The following SLC6A5 variants were observed in gnomAD, a reference collection of about 807,000 sequenced individuals.
SLC6A5 encodes solute carrier family 6 member 5.
Under a neutral mutation model 90.5 loss-of-function variants are expected in SLC6A5, and 58 were observed. The ratio of observed to expected loss-of-function variants is 0.64; its 90% CI spans 0.52 to 0.80. The LOEUF (loss-of-function observed/expected upper bound fraction) is 0.80, where lower values mean the gene tolerates loss of function less well. Among genes scored for constraint, SLC6A5 ranks in the 30% least tolerant of loss-of-function variants. The pLI is 0.00. For synonymous variants in SLC6A5, 427 were observed against 401.4 expected, an observed-to-expected ratio of 1.06 and a Z score of -0.76; for missense variants, 1,015 against 1,017.6, an observed-to-expected ratio of 1.00 and a Z score of 0.03.
chr11:20,617,579 C>A (rs1460663206), intron 6 of SLC6A5, among the ~76,000 whole-genome samples, 173 bp from the exon 7 acceptor site: 1 of 152,184 alleles, frequency 6.6e-6, no homozygotes, highest in Non-Finnish European at 1.5e-5. Context: ...AGAGCCCAGA[C>A]CAGCAAATTC....
At chr11:20,650,548 C>T (rs1321760598) in intron 14 of SLC6A5, among the ~76,000 whole-genome samples, 1 of 151,582 alleles carries the variant, frequency 6.6e-6, no homozygotes, top group Admixed American at 6.6e-5. Context: ...CATTTTATGG[C>T]AGGGAAGTCT....
At chr11:20,626,879 G>A (rs758091630) in intron 8 of SLC6A5, 37 bp downstream of exon 8, 5 of 1,598,674 alleles carry the variant, frequency 3.1e-6, no homozygotes, top group Non-Finnish European at 3.4e-6. Flanking sequence ...AGCCCTGGGG[G>A]AGTGGCCCTC....
intron 7 of SLC6A5, among the ~76,000 whole-genome samples, chr11:20,622,024 G>GT (rs199743225): frequency 0.024 from 3,686 of 152,292 alleles, 162 homozygotes; most frequent in African/African-American, 0.083. Flanking sequence ...CTGTTCAGGG[G>GT]TCCCATGGTG....
In SLC6A5 at chr11:20,604,279, C is replaced by T. The variant is rs1852533278; in HGVS notation, c.541-7C>T. On this transcript the variant is annotated splice_region_variant and splice_polypyrimidine_tract_variant and intron_variant, in intron 2 of 15. Transcript: ENST00000525748. Reference sequence around the variant, plus strand: ...CTGTTATCGACAATGTGCTTTTCCGCCCCCAGGAGGACGAGCAAGGGGATG... The same window carrying T: ...CTGTTATCGACAATGTGCTTTTCCGTCCCCAGGAGGACGAGCAAGGGGATG... 12 of 1,606,736 alleles carry T rather than the reference C, an allele frequency of 7.5e-6. No individual in the cohort carries two copies. The East Asian group carries it at 2.2e-4, about 30-fold the overall frequency.
At chr11:20,629,730 ATT>A (rs200051883) in intron 9 of SLC6A5, among the ~76,000 whole-genome samples, 70 of 137,714 alleles carry the variant, frequency 5.1e-4, no homozygotes, top group African/African-American at 1.4e-3. Context: ...CTGTAGGATG[ATT>A]TTTTTTTTTT....
chr11:20,645,522 G>A (rs1429974987), intron 13 of SLC6A5, among the ~76,000 whole-genome samples: 1 of 152,088 alleles, frequency 6.6e-6, no homozygotes, highest in African/African-American at 2.4e-5. Context: ...TAGAAAGAAG[G>A]CCTGAAAATG....
chr11:20,626,463 G>A (rs950848657), intron 7 of SLC6A5, among the ~76,000 whole-genome samples: 1 of 152,046 alleles, frequency 6.6e-6, no homozygotes, highest in Non-Finnish European at 1.5e-5. Context: ...CCAGCCTTCT[G>A]GCTGTAGGCC....
At chr11:20,640,451 A>G (rs977359843) in intron 13 of SLC6A5, among the ~76,000 whole-genome samples, 5 of 152,168 alleles carry the variant, frequency 3.3e-5, no homozygotes, top group Middle Eastern at 3.2e-3. Flanking sequence ...GAAAAAATAA[A>G]TCCTGAGTGC....
chr11:20,645,802 CT>C (rs1853402401), intron 13 of SLC6A5, among the ~76,000 whole-genome samples: 1 of 152,046 alleles, frequency 6.6e-6, no homozygotes, highest in African/African-American at 2.4e-5. Context: ...CGATGCCCAG[CT>C]TTTCTGTATT....
chr11:20,600,375 GAAGAA>G (rs1852440889), intron 1 of SLC6A5, among the ~76,000 whole-genome samples: 1 of 149,672 alleles, frequency 6.7e-6, no homozygotes, highest in African/African-American at 2.5e-5. Context: ...AGAAGAAGAA[GAAGAA>G]GAAGAAGAAG....
In SLC6A5 at chr11:20,655,340, CAG is replaced by C. The variant is rs1853623823; in HGVS notation, c.*477_*478del. 1 of 208,630 alleles carries C rather than the reference CAG, an allele frequency of 4.8e-6. No individual in the cohort carries two copies. Among genetic ancestry groups the C allele is most frequent in the Non-Finnish European group, 9.7e-6 (1 of 103,326 alleles). The allele number at this position is 208,630 out of a possible 1,614,324, so 12.9% of individuals were successfully genotyped here. A position where few individuals can be genotyped will look rare whatever the true frequency, so the allele number is the denominator to read the frequency against. On this transcript the variant is annotated 3_prime_UTR_variant, in exon 16 of 16. Transcript: ENST00000525748. Reference sequence around the variant, plus strand: ...GTTCAAGACAGGTTTTTTTTTTTTTCAGAGAGTTAGCAGTGGTCAGAAAATGT... The same window carrying C: ...GTTCAAGACAGGTTTTTTTTTTTTTCAGAGTTAGCAGTGGTCAGAAAATGT...
intron 13 of SLC6A5, 111 bp downstream of exon 13, chr11:20,638,669 CTA>C (rs1427850630): frequency 7.5e-5 from 57 of 763,694 alleles, no homozygotes; most frequent in African/African-American, 1.2e-4. Flanking sequence ...TAAATTGCAA[CTA>C]TTTAGGAAAC....
intron 13 of SLC6A5, among the ~76,000 whole-genome samples, chr11:20,639,298 G>T (rs1590176491): frequency 6.6e-6 from 1 of 152,030 alleles, no homozygotes; most frequent in Non-Finnish European, 1.5e-5. Context: ...ACTTCTTTCT[G>T]CTTGGAAGCC....
intron 5 of SLC6A5, among the ~76,000 whole-genome samples, chr11:20,607,952 C>T (rs746528589): frequency 9.9e-5 from 15 of 152,190 alleles, no homozygotes; most frequent in Admixed American, 9.8e-4. Flanking sequence ...AGAAAATTTG[C>T]ATTTTAACAA....
rs1223200807 is a variant in SLC6A5, at chr11:20,638,364, T to A, written c.1870-95T>A. On this transcript the variant is annotated intron_variant, in intron 12 of 15. Transcript: ENST00000525748. ...GCATGGACTCCTGTTTGCACCTGAC[T>A]CTTTTTAGGATTGAGAGAACTGGCT... 3.7e-6 allele frequency: 3 copies of A among 802,464 alleles called. No individual in the cohort carries two copies. In the African/African-American group the frequency reaches 5.1e-5, roughly 14 times the overall value. The allele number at this position is 802,464 out of a possible 1,614,324, so 49.7% of individuals were successfully genotyped here. A position where few individuals can be genotyped will look rare whatever the true frequency, so the allele number is the denominator to read the frequency against.
At chr11:20,626,244 T>A (rs1216929191) in intron 7 of SLC6A5, among the ~76,000 whole-genome samples, 1 of 152,240 alleles carries the variant, frequency 6.6e-6, no homozygotes, top group African/African-American at 2.4e-5. Flanking sequence ...ATGCGTCTAA[T>A]TCTAATATCA....
chr11:20,634,301 G>C (rs1057491718), intron 10 of SLC6A5, among the ~76,000 whole-genome samples: 1 of 152,158 alleles, frequency 6.6e-6, no homozygotes, highest in African/African-American at 2.4e-5. Context: ...AACATCTAAC[G>C]ATGTTATTCT....
At chr11:20,637,339 G>T in intron 12 of SLC6A5, 36 bp downstream of exon 12, 2 of 1,593,704 alleles carry the variant, frequency 1.3e-6, no homozygotes, top group Non-Finnish European at 1.7e-6. Flanking sequence ...TGGGGTGGGG[G>T]CAGGAGGGTG....
chr11:20,634,188 G>A (rs1853160897), intron 10 of SLC6A5, among the ~76,000 whole-genome samples: 1 of 152,184 alleles, frequency 6.6e-6, no homozygotes, highest in South Asian at 2.1e-4. Context: ...TTTAATCCAT[G>A]AGGAAGAGAG....
Sources: allele counts gnomAD v4.1 joint callset (sites outside exome capture counted in the v4.1 genomes callset), GRCh38; gene constraint gnomAD v4.1.1; transcripts MANE v1.5; gene names NCBI Gene and HGNC (gene_info 2026-07-23, HGNC 2026-07-21).